CTIF: variants seen among roughly 807,000 people sequenced by gnomAD.
The protein encoded by CTIF is cap binding complex dependent translation initiation factor.
CTIF carries 21 observed loss-of-function variants against 66.0 expected under a neutral mutation model. That is an observed-to-expected ratio of 0.32 (90% CI 0.23 to 0.46). The LOEUF is 0.46. CTIF is among the 20% of genes least tolerant of loss of function. CTIF has a pLI of 1.00. For missense variants in CTIF, 739 were observed against 812.7 expected, an observed-to-expected ratio of 0.91 and a Z score of 1.10; for synonymous variants, 345 against 326.4, an observed-to-expected ratio of 1.06 and a Z score of -0.62.
At chr18:48,775,596 A>T (rs1036751661) in intron 9 of CTIF, among the ~76,000 whole-genome samples, 2 of 152,198 alleles carry the variant, frequency 1.3e-5, no homozygotes, top group Non-Finnish European at 2.9e-5. Context: ...GTACTGTGAA[A>T]CCCCAGTGAA....
intron 1 of CTIF, chr18:48,567,515 G>A (rs1219823498): frequency 6.6e-6 from 1 of 152,142 alleles, no homozygotes; most frequent in African/African-American, 2.4e-5. Flanking sequence ...TTTGCCCCAG[G>A]GACGACGATA....
chr18:48,623,017 C>T (rs1185302354), intron 2 of CTIF, among the ~76,000 whole-genome samples: 4 of 152,226 alleles, frequency 2.6e-5, no homozygotes, highest in Admixed American at 6.5e-5. Flanking sequence ...GAGCAGCCAG[C>T]GGGGACATAG....
At chr18:48,822,386 A>T (rs1283938649) in intron 10 of CTIF, among the ~76,000 whole-genome samples, 1 of 152,076 alleles carries the variant, frequency 6.6e-6, no homozygotes, top group Non-Finnish European at 1.5e-5. Context: ...TGAAATATAT[A>T]ATGCATTGTT....
intron 9 of CTIF, among the ~76,000 whole-genome samples, chr18:48,795,859 G>A (rs1599059481): frequency 6.6e-6 from 1 of 152,160 alleles, no homozygotes; most frequent in Non-Finnish European, 1.5e-5. Flanking sequence ...ACAAGTCTTT[G>A]CCATCCACAC....
At chr18:48,542,839 C>G (rs188473050) in intron 1 of CTIF, among the ~76,000 whole-genome samples, 5 of 152,270 alleles carry the variant, frequency 3.3e-5, no homozygotes. Flanking sequence ...CCGGGAGGGC[C>G]CAGAGGTATG....
chr18:48,594,060 GC>G (rs574229478), intron 1 of CTIF, among the ~76,000 whole-genome samples: 2 of 151,480 alleles, frequency 1.3e-5, no homozygotes, highest in African/African-American at 2.4e-5. Flanking sequence ...ATGAACACAA[GC>G]CCCCCCTCCT....
chr18:48,661,100 C>G (rs1465228252), intron 3 of CTIF, among the ~76,000 whole-genome samples: 1 of 152,196 alleles, frequency 6.6e-6, no homozygotes, highest in Non-Finnish European at 1.5e-5. Context: ...CTCCTGTGTG[C>G]CTGGCTTGGC....
intron 6 of CTIF, among the ~76,000 whole-genome samples, chr18:48,683,858 T>C (rs1404501014): frequency 6.6e-6 from 1 of 152,182 alleles, no homozygotes; most frequent in Non-Finnish European, 1.5e-5. Flanking sequence ...GGCACCACTG[T>C]GGCCACCAGC....
chr18:48,576,832 C>T (rs1250404380), intron 1 of CTIF, among the ~76,000 whole-genome samples: 5 of 152,334 alleles, frequency 3.3e-5, no homozygotes, highest in African/African-American at 1.2e-4. Context: ...TGGTTTAGGG[C>T]TTGTCTTTTG....
chr18:48,683,471 A>T (rs2091781810), intron 6 of CTIF, among the ~76,000 whole-genome samples: 1 of 151,146 alleles, frequency 6.6e-6, no homozygotes, highest in South Asian at 2.1e-4. Context: ...CTCCTGTGAA[A>T]TAGGAGTGCT....
intron 1 of CTIF, among the ~76,000 whole-genome samples, chr18:48,574,288 C>T (rs560066058): frequency 3.3e-5 from 5 of 152,278 alleles, no homozygotes; most frequent in African/African-American, 7.2e-5. Flanking sequence ...TAAATAATTC[C>T]CTGACTATCC....
chr18:48,703,065 C>T (rs1173281758), intron 6 of CTIF, among the ~76,000 whole-genome samples: 2 of 152,152 alleles, frequency 1.3e-5, no homozygotes, highest in African/African-American at 4.8e-5. Flanking sequence ...GGGATGTCTA[C>T]CCAGGTTGGG....
intron 11 of CTIF, among the ~76,000 whole-genome samples, chr18:48,858,410 GAGA>G (rs1357133996): frequency 6.6e-6 from 1 of 152,252 alleles, no homozygotes; most frequent in African/African-American, 2.4e-5. Context: ...GGGAATTAGG[GAGA>G]AGGAGAAAGC....
intron 1 of CTIF, among the ~76,000 whole-genome samples, chr18:48,587,360 A>G (rs902891870): frequency 6.6e-5 from 10 of 151,890 alleles, no homozygotes; most frequent in Non-Finnish European, 2.9e-5. Flanking sequence ...GATTACAGGC[A>G]TGAGCCACCG....
chr18:48,636,712 TG>T (rs2144628125), intron 3 of CTIF, 27 bp downstream of exon 3: 1 of 1,535,642 alleles, frequency 6.5e-7, no homozygotes, highest in Non-Finnish European at 8.7e-7. Context: ...GCGCTCTGTC[TG>T]GGGGTGTCCT....
At chr18:48,798,204 G>A (rs1276439580) in intron 9 of CTIF, among the ~76,000 whole-genome samples, 2 of 152,198 alleles carry the variant, frequency 1.3e-5, no homozygotes, top group African/African-American at 2.4e-5. Flanking sequence ...GGTAAACGCA[G>A]TTGAATTATC....
chr18:48,737,913 C>T (rs943273353), intron 7 of CTIF, among the ~76,000 whole-genome samples: 5 of 152,258 alleles, frequency 3.3e-5, no homozygotes, highest in Admixed American at 3.3e-4. Flanking sequence ...AGAGGGCAGG[C>T]ACCTGCATGA....
At chr18:48,681,064 C>G (rs761735612) in intron 6 of CTIF, among the ~76,000 whole-genome samples, 1 of 152,238 alleles carries the variant, frequency 6.6e-6, no homozygotes, top group Non-Finnish European at 1.5e-5. Context: ...CACACTGACT[C>G]TTACTGGCTG....
intron 1 of CTIF, among the ~76,000 whole-genome samples, chr18:48,574,311 C>T (rs2089483056): frequency 6.6e-6 from 1 of 152,222 alleles, no homozygotes; most frequent in Non-Finnish European, 1.5e-5. Context: ...TTTAAATTTG[C>T]TCCCTCTCCC....
Sources: gnomAD v4.1 joint callset for allele counts (sites outside exome capture counted in the v4.1 genomes callset) on GRCh38, gnomAD v4.1.1 for gene constraint, MANE v1.5 for transcripts, NCBI Gene and HGNC (gene_info 2026-07-23, HGNC 2026-07-21) for gene names.